The following ORC3 variants were observed in gnomAD, a reference collection of about 807,000 sequenced individuals.
ORC3 encodes origin recognition complex subunit 3.
A neutral mutation model predicts 100.7 loss-of-function variants in ORC3; 78 were observed. The ratio of observed to expected loss-of-function variants is 0.77; its 90% CI spans 0.65 to 0.94. The LOEUF (loss-of-function observed/expected upper bound fraction) is 0.94, where lower values mean the gene tolerates loss of function less well. Ranked by LOEUF, ORC3 falls within the 40% of genes least tolerant of loss-of-function variation. The pLI, the probability that ORC3 is intolerant of heterozygous loss-of-function variation, is 0.00. For missense variants in ORC3, 789 were observed against 823.9 expected (o/e 0.96, Z 0.52); for synonymous variants, 295 against 289.3 (o/e 1.02, Z -0.20).
intron 13 of ORC3, among the ~76,000 whole-genome samples, chr6:87,641,308 A>C (rs1197418844): frequency 1.3e-5 from 2 of 152,200 alleles, no homozygotes; most frequent in Non-Finnish European, 2.9e-5. Flanking sequence ...ATTTTCTTTC[A>C]AATGAGGAAA....
In ORC3 at chr6:87,663,038, A is replaced by T. The variant is rs767350523; in HGVS notation, c.1727A>T (p.His576Leu). Residue 576 changes from histidine (H) to leucine (L), a missense_variant, in exon 17 of 20, where the codon CAT (histidine) becomes CTT (leucine). Around this residue, in one of 3 missense-constraint regions of ORC3, gnomAD observed 366 missense variants for 394.2 expected, o/e 0.93. Coordinates refer to ENST00000392844, the MANE Select transcript of ORC3 (RefSeq NM_012381.4). ...CTGCCTCCTGAGACACAGCCTCTCC[A>T]TGAGGTGGTGTACTTCAGTGCTGCC... ...YLLPPETQPLHEVVYFSAAHA... is the reference protein window; with the variant it reads ...YLLPPETQPLLEVVYFSAAHA... 4.3e-6 allele frequency: 7 copies of T among 1,611,562 alleles called. No homozygotes were observed. The highest frequency in any genetic ancestry group is 5.1e-6 in the Non-Finnish European group (6 of 1,178,182).
chr6:87,658,083 A>G (rs964347260), intron 16 of ORC3, 65 bp downstream of exon 16: 2 of 791,256 alleles, frequency 2.5e-6, no homozygotes, highest in South Asian at 1.4e-5. Context: ...CACTGGTGTC[A>G]TAGCTGTCTA....
intron 1 of ORC3, among the ~76,000 whole-genome samples, chr6:87,592,030 C>T (rs1777073861): frequency 6.6e-6 from 1 of 152,184 alleles, no homozygotes; most frequent in African/African-American, 2.4e-5. Flanking sequence ...CACGCCCGGT[C>T]CTTAAACATA....
chr6:87,590,160 A>C lies in ORC3; in HGVS notation c.-9A>C. The C allele has an allele frequency of 1.2e-6, 2 of 1,614,126 alleles. No homozygotes were observed. Among genetic ancestry groups the C allele is most frequent in the Non-Finnish European group, 1.7e-6 (2 of 1,179,926 alleles). On this transcript the variant is annotated 5_prime_UTR_variant, in exon 1 of 20. Coordinates refer to ENST00000392844, the MANE Select transcript of ORC3 (RefSeq NM_012381.4). Reference sequence around the variant, plus strand: ...GAGTGCATCTGGAATACGCAGAGTCAGTAAGACCATGGCTACGTCCTCGAT... The same window carrying C: ...GAGTGCATCTGGAATACGCAGAGTCCGTAAGACCATGGCTACGTCCTCGAT...
At chr6:87,596,613 A>G (rs1012643217) in intron 2 of ORC3, among the ~76,000 whole-genome samples, 28 of 152,152 alleles carry the variant, frequency 1.8e-4, no homozygotes, top group Non-Finnish European at 3.1e-4. Flanking sequence ...TACCTGGGTC[A>G]AACTGTTAAA....
chr6:87,608,265 G>T (rs1482215723), intron 6 of ORC3, among the ~76,000 whole-genome samples: 1 of 152,088 alleles, frequency 6.6e-6, no homozygotes, highest in Non-Finnish European at 1.5e-5. Flanking sequence ...AGTCTAATTT[G>T]TTTTATGTTT....
the ORC3 span, among the ~76,000 whole-genome samples, chr6:87,674,624 TTATA>T: frequency 2.8e-5 from 4 of 143,474 alleles, no homozygotes; most frequent in Middle Eastern, 3.2e-3. Flanking sequence ...AAGAAGGAAT[TTATA>T]TATATATATA....
the ORC3 span, among the ~76,000 whole-genome samples, chr6:87,673,192 A>C: frequency 8.3e-6 from 1 of 119,838 alleles, no homozygotes; most frequent in African/African-American, 3.3e-5. Context: ...ACAGAGTCTC[A>C]CTCTGTCACC....
At chr6:87,652,701 T>G (rs915340633) in intron 13 of ORC3, among the ~76,000 whole-genome samples, 1 of 152,260 alleles carries the variant, frequency 6.6e-6, no homozygotes, top group African/African-American at 2.4e-5. Flanking sequence ...ATTAAATGCC[T>G]ACTGTGTGGT....
intron 13 of ORC3, among the ~76,000 whole-genome samples, chr6:87,639,210 C>T (rs1353955240): frequency 1.3e-5 from 2 of 152,208 alleles, no homozygotes; most frequent in Admixed American, 6.5e-5. Flanking sequence ...ATAAGGGATA[C>T]TCAATCTGTA....
At chr6:87,615,675 A>C (rs1238642616) in intron 8 of ORC3, among the ~76,000 whole-genome samples, 3 of 152,202 alleles carry the variant, frequency 2.0e-5, no homozygotes, top group Non-Finnish European at 4.4e-5. Flanking sequence ...AGCCTGGGCA[A>C]AAGAGCAAGA....
chr6:87,658,835 A>G (rs1434958656), intron 16 of ORC3, among the ~76,000 whole-genome samples: 4 of 152,084 alleles, frequency 2.6e-5, no homozygotes, highest in Non-Finnish European at 5.9e-5. Context: ...AAGTCTACCA[A>G]TCCAGCCTGT....
chr6:87,648,299 AC>A (rs1307296841), intron 13 of ORC3, among the ~76,000 whole-genome samples: 1 of 152,220 alleles, frequency 6.6e-6, no homozygotes, highest in Non-Finnish European at 1.5e-5. Flanking sequence ...TTCTGATATT[AC>A]CCCTTGTATT....
At chr6:87,677,723 C>T in the ORC3 span, 155 of 1,392,082 alleles carry the variant, frequency 1.1e-4, 1 homozygote, top group South Asian at 1.3e-3. Context: ...GAGAATATAC[C>T]GCACCAGTGT....
rs2307382 is a variant in ORC3, at chr6:87,594,330, G to A, written c.25-23G>A. 18,435 of 1,558,722 alleles carry A rather than the reference G, an allele frequency of 0.012. 1,305 individuals are homozygous for A. The Admixed American group carries it at 0.16, about 13-fold the overall frequency. ...TGCTCCTTGGCTACTTTGACTTTATGCTTTTCGTCTTTCTTTTTATAGGGT... is the reference window on the plus strand; with the variant it reads ...TGCTCCTTGGCTACTTTGACTTTATACTTTTCGTCTTTCTTTTTATAGGGT... On this transcript the variant is annotated intron_variant, in intron 1 of 19. Transcript: ENST00000392844.
At chr6:87,621,564 T>A in intron 10 of ORC3, 77 bp downstream of exon 10, 1 of 987,014 alleles carries the variant, frequency 1.0e-6, no homozygotes, top group Non-Finnish European at 1.4e-6. Context: ...ATCCAGTTAT[T>A]TCTGAAGTAG....
At position 87,594,389 on chromosome 6, in the gene ORC3, A is replaced by G; in HGVS notation, c.61A>G (p.Lys21Glu). Residue 21 changes from lysine to glutamate, a missense_variant, in exon 2 of 20, where the codon AAG becomes GAG. Around this residue, in one of 3 missense-constraint regions of ORC3, gnomAD observed 399 missense variants for 382.0 expected, o/e 1.04. Transcript: ENST00000392844. ...FVFKPNSKKR[K>E]ISLPIEDYFN... Reference sequence around the variant, plus strand: ...TTTTAAGCCAAACTCCAAAAAGAGAAAGATCTCTCTGCCAATAGGTAAGGT... The same window carrying G: ...TTTTAAGCCAAACTCCAAAAAGAGAGAGATCTCTCTGCCAATAGGTAAGGT... 6.3e-7 allele frequency: 1 copy of G among 1,583,992 alleles called. No homozygotes were observed. Among genetic ancestry groups the G allele is most frequent in the Non-Finnish European group, 8.6e-7 (1 of 1,159,326 alleles).
chr6:87,649,357 TGTATTTACAGCCCTACCATACACACTCAA>T (rs1175173408), intron 13 of ORC3, among the ~76,000 whole-genome samples: 1 of 152,236 alleles, frequency 6.6e-6, no homozygotes, highest in Non-Finnish European at 1.5e-5. Context: ...CACTGTTTAA[TGTATTTACAGCCCTACCATACACACTCAA>T]GTGTACACAC....
intron 6 of ORC3, among the ~76,000 whole-genome samples, chr6:87,608,729 A>AT (rs11426683): frequency 0.064 from 9,773 of 152,186 alleles, 409 homozygotes; most frequent in African/African-American, 0.12. Context: ...TATTCATTAT[A>AT]TTTTTTTCAT....
Sources: gnomAD v4.1 joint callset for allele counts (sites outside exome capture counted in the v4.1 genomes callset) on GRCh38, gnomAD v4.1.1 for gene constraint, gnomAD v4.1.1 regional missense constraint, MANE v1.5 for transcripts, NCBI Gene and HGNC (gene_info 2026-07-23, HGNC 2026-07-21) for gene names.